The following GALNT18 variants were observed in gnomAD, a reference collection of about 807,000 sequenced individuals.
The protein encoded by GALNT18 is GalNAc-transferase 18.
In GALNT18, 44 loss-of-function variants were observed where a neutral mutation model predicts 69.5. That is an observed-to-expected ratio of 0.63 (90% CI 0.50 to 0.81). The LOEUF is 0.81. Among genes scored for constraint, GALNT18 ranks in the 40% least tolerant of loss-of-function variants. The pLI is 0.00. For missense variants in GALNT18, 715 were observed against 810.0 expected, an observed-to-expected ratio of 0.88 and a Z score of 1.42; for synonymous variants, 364 against 318.2, an observed-to-expected ratio of 1.14 and a Z score of -1.53.
chr11:11,319,447 C>CCA (rs1849808481), intron 9 of GALNT18, among the ~76,000 whole-genome samples: 1 of 152,194 alleles, frequency 6.6e-6, no homozygotes, highest in Non-Finnish European at 1.5e-5. Context: ...AGAACAGTAT[C>CCA]TGGCACATGA....
chr11:11,354,315 A>G (rs1480956250), intron 6 of GALNT18, among the ~76,000 whole-genome samples: 2 of 152,218 alleles, frequency 1.3e-5, no homozygotes, highest in African/African-American at 4.8e-5. Flanking sequence ...ACTAAGGTTC[A>G]GGGTCACAGG....
At chr11:11,390,046 G>A (rs1854148496) in intron 3 of GALNT18, among the ~76,000 whole-genome samples, 1 of 152,140 alleles carries the variant, frequency 6.6e-6, no homozygotes, top group African/African-American at 2.4e-5. Context: ...AATTTTTAGA[G>A]TCTCTGATTC....
At chr11:11,498,823 G>A (rs550773626) in intron 1 of GALNT18, among the ~76,000 whole-genome samples, 1 of 152,182 alleles carries the variant, frequency 6.6e-6, no homozygotes, top group Non-Finnish European at 1.5e-5. Flanking sequence ...ATAAAAGAAG[G>A]GAAGTGGGTT....
At chr11:11,502,572 G>A (rs1042638411) in intron 1 of GALNT18, among the ~76,000 whole-genome samples, 1 of 152,216 alleles carries the variant, frequency 6.6e-6, no homozygotes, top group African/African-American at 2.4e-5. Flanking sequence ...AGCAGAGATG[G>A]TCTGCTGCAT....
In GALNT18 at chr11:11,454,195, G is replaced by A. The variant is rs1590017911; in HGVS notation, c.236-5259C>T. On this transcript the variant is annotated intron_variant, in intron 1 of 10. Transcript: ENST00000227756. The surrounding 1 kb of genome is among the most constrained non-coding windows in gnomAD (Gnocchi z 4.2). Reference sequence around the variant, plus strand: ...GGAGCACAAAGCCAGTGAAGGCATGGCCGGGGCAAATTCCAGCTGTGTGCA... The same window carrying A: ...GGAGCACAAAGCCAGTGAAGGCATGACCGGGGCAAATTCCAGCTGTGTGCA... Among the ~76,000 whole-genome samples the A allele has an allele frequency of 6.6e-6, 1 of 152,216 alleles. No homozygotes were observed. Among genetic ancestry groups the A allele is most frequent in the East Asian group, 1.9e-4 (1 of 5,194 alleles).
chr11:11,350,632 C>G (rs1197241080), intron 6 of GALNT18, among the ~76,000 whole-genome samples: 3 of 152,164 alleles, frequency 2.0e-5, no homozygotes, highest in Non-Finnish European at 2.9e-5. Context: ...CCCTGCACCC[C>G]TTGCAGTCAG....
In GALNT18 at chr11:11,347,652, C is replaced by T. The variant is rs1850326742; in HGVS notation, c.1093-6648G>A. Among the ~76,000 whole-genome samples the T allele has an allele frequency of 6.6e-6, 1 of 152,142 alleles. No individual in the cohort carries two copies. Among genetic ancestry groups the T allele is most frequent in the African/African-American group, 2.4e-5 (1 of 41,426 alleles). Reference sequence around the variant, plus strand: ...GCTCTTTGCTCTTGGCAAACTGTTCCCACTGTTCTCTTAGCCCAGAAAGCC... The same window carrying T: ...GCTCTTTGCTCTTGGCAAACTGTTCTCACTGTTCTCTTAGCCCAGAAAGCC... On this transcript the variant is annotated intron_variant, in intron 6 of 10. Transcript: ENST00000227756. This position sits in a 1 kb window ranked among gnomAD's most constrained non-coding sequence, Gnocchi z 4.0.
At chr11:11,342,881 G>A (rs191210366) in intron 6 of GALNT18, among the ~76,000 whole-genome samples, 1 of 152,280 alleles carries the variant, frequency 6.6e-6, no homozygotes, top group East Asian at 1.9e-4. Context: ...ATCTCAGAAG[G>A]TCACTGAGAA....
intron 2 of GALNT18, among the ~76,000 whole-genome samples, chr11:11,433,605 T>A (rs1361700687): frequency 6.6e-6 from 1 of 152,196 alleles, no homozygotes; most frequent in East Asian, 1.9e-4. Flanking sequence ...TTTGGTGGTC[T>A]CTTGAGGACT....
intron 5 of GALNT18, among the ~76,000 whole-genome samples, chr11:11,375,454 G>T (rs1853723715): frequency 6.6e-6 from 1 of 152,228 alleles, no homozygotes; most frequent in Non-Finnish European, 1.5e-5. Context: ...GCAGTCTTCT[G>T]CAGGAATGCT....
intron 2 of GALNT18, among the ~76,000 whole-genome samples, chr11:11,447,357 C>T (rs1855679523): frequency 6.6e-6 from 1 of 152,208 alleles, no homozygotes; most frequent in Non-Finnish European, 1.5e-5. Context: ...CTCTCTCTCT[C>T]TCCGACTTTA....
chr11:11,423,048 A>T (rs1465524638), intron 3 of GALNT18, among the ~76,000 whole-genome samples: 1 of 152,176 alleles, frequency 6.6e-6, no homozygotes, highest in African/African-American at 2.4e-5. Context: ...TATGCTGCTT[A>T]TGCATGCACA....
At position 11,396,468 on chromosome 11, in the gene GALNT18, C is replaced by T. The variant is rs570147736; in HGVS notation, c.596-17204G>A. Reference sequence around the variant, plus strand: ...TCACGTGTGGGAGGTACCGATGAATCAGACGAGGAAACTATCCAGATGGGA... The same window carrying T: ...TCACGTGTGGGAGGTACCGATGAATTAGACGAGGAAACTATCCAGATGGGA... On this transcript the variant is annotated intron_variant, in intron 3 of 10. Transcript: ENST00000227756. This position sits in a 1 kb window ranked among gnomAD's most constrained non-coding sequence, Gnocchi z 5.2. 6.6e-6 allele frequency among the ~76,000 whole-genome samples: 1 copy of T among 152,140 alleles called. No individual in the cohort carries two copies. The highest frequency in any genetic ancestry group is 2.4e-5 in the African/African-American group (1 of 41,436).
intron 10 of GALNT18, among the ~76,000 whole-genome samples, chr11:11,278,930 T>A (rs1272740051): frequency 2.6e-5 from 4 of 152,226 alleles, no homozygotes; most frequent in Admixed American, 6.5e-5. Context: ...TCATTACACA[T>A]TATATGCCTG....
intron 3 of GALNT18, among the ~76,000 whole-genome samples, chr11:11,398,185 C>A (rs553227302): frequency 2.0e-5 from 3 of 152,162 alleles, no homozygotes; most frequent in Non-Finnish European, 4.4e-5. Flanking sequence ...GTAGCAGAGG[C>A]TTGATTCAAA....
At chr11:11,276,518 C>T (rs1848951079) in intron 10 of GALNT18, among the ~76,000 whole-genome samples, 1 of 152,138 alleles carries the variant, frequency 6.6e-6, no homozygotes, top group Non-Finnish European at 1.5e-5. Flanking sequence ...TTTGAATATC[C>T]TGTATTTCTT....
rs149927736 is a variant in GALNT18, at chr11:11,459,562, C to A, written c.236-10626G>T. Among the ~76,000 whole-genome samples, 2 of 152,302 alleles carry A rather than the reference C, an allele frequency of 1.3e-5. No homozygotes were observed. The highest frequency in any genetic ancestry group is 1.9e-4 in the East Asian group (1 of 5,180). ...AGACTCCATTAGGGGCTGAGCCCAC[C>A]AGACTGAGGAGCTCTGGAGGCACCT... On this transcript the variant is annotated intron_variant, in intron 1 of 10. Transcript: ENST00000227756. This position sits in a 1 kb window ranked among gnomAD's most constrained non-coding sequence, Gnocchi z 5.0.
At chr11:11,362,241 G>A (rs1850659592) in intron 6 of GALNT18, among the ~76,000 whole-genome samples, 1 of 152,124 alleles carries the variant, frequency 6.6e-6, no homozygotes, top group Admixed American at 6.6e-5. Flanking sequence ...GAAAACATAA[G>A]TGAATTTCTT....
chr11:11,351,266 CA>C lies in GALNT18; in HGVS notation c.1093-10263del, dbSNP rs576933459. Among the ~76,000 whole-genome samples, 136 of 152,298 alleles carry C rather than the reference CA, an allele frequency of 8.9e-4. 2 individuals carry two copies. The South Asian group carries it at 0.023, about 26-fold the overall frequency. On this transcript the variant is annotated intron_variant, in intron 6 of 10. Transcript: ENST00000227756. Reference sequence around the variant, plus strand: ...ATCGGGCTGCTGTGAGAGTTTGGTTCAAACTCAGAACCAGAGCAGAGGGCAG... The same window carrying C: ...ATCGGGCTGCTGTGAGAGTTTGGTTCAACTCAGAACCAGAGCAGAGGGCAG...
Sources: allele counts gnomAD v4.1 joint callset (sites outside exome capture counted in the v4.1 genomes callset), GRCh38; gene constraint gnomAD v4.1.1; non-coding constraint Gnocchi (gnomAD v3.1); transcripts MANE v1.5; gene names NCBI Gene and HGNC (gene_info 2026-07-23, HGNC 2026-07-21).